Variants in NKAIN3 observed in about 807,000 individuals in gnomAD.
NKAIN3 encodes the protein sodium/potassium-transporting ATPase subunit beta-1-interacting protein 3.
A neutral mutation model predicts 30.2 loss-of-function variants in NKAIN3; 25 were observed. The observed-to-expected ratio is 0.83, with a 90% CI of 0.60 to 1.16. The LOEUF is 1.16. Ranked by LOEUF, NKAIN3 falls within the 50% of genes most tolerant of loss-of-function variation. The pLI is 0.00. For missense variants in NKAIN3, 225 were observed against 254.1 expected (o/e 0.89, Z 0.78); for synonymous variants, 91 against 89.6 (o/e 1.02, Z -0.09).
At chr8:62,591,788 A>G (rs1810662366) in intron 3 of NKAIN3, among the ~76,000 whole-genome samples, 1 of 152,028 alleles carries the variant, frequency 6.6e-6, no homozygotes, top group Admixed American at 6.6e-5. Context: ...GACTGGTAAC[A>G]TCTCCCTTGT....
At chr8:62,868,759 C>T (rs530145133) in intron 4 of NKAIN3, among the ~76,000 whole-genome samples, 1 of 152,270 alleles carries the variant, frequency 6.6e-6, no homozygotes, top group African/African-American at 2.4e-5. Context: ...TTTCTAAACA[C>T]TGGCATGAGT....
intron 1 of NKAIN3, among the ~76,000 whole-genome samples, chr8:62,341,039 A>G (rs16928724): frequency 0.039 from 5,962 of 152,124 alleles, 424 homozygotes; most frequent in African/African-American, 0.14. Flanking sequence ...TACATGCTTC[A>G]GTGTTATTAG....
At chr8:62,845,134 AT>A (rs1049103814) in intron 4 of NKAIN3, among the ~76,000 whole-genome samples, 1 of 151,330 alleles carries the variant, frequency 6.6e-6, no homozygotes, top group African/African-American at 2.4e-5. Flanking sequence ...CATGTGTTGG[AT>A]TTTTTTAGGG....
At chr8:62,868,954 A>G (rs993153480) in intron 4 of NKAIN3, among the ~76,000 whole-genome samples, 1 of 151,904 alleles carries the variant, frequency 6.6e-6, no homozygotes, top group Non-Finnish European at 1.5e-5. Context: ...AAAAAAAAGG[A>G]TTAGATCTTT....
Position 62,902,479 on chromosome 8 carries a change from A to G in NKAIN3, c.472-15974A>G, listed in dbSNP as rs186632075. 1.2e-4 allele frequency among the ~76,000 whole-genome samples: 18 copies of G among 152,242 alleles called. No individual in the cohort carries two copies. In the East Asian group the frequency reaches 2.7e-3, roughly 23 times the overall value. ...TCTGACTGCATTTAAATGATCAGGCATGGAGGAGGCAGAGCTCAGTGTAAC... is the reference window on the plus strand; with the variant it reads ...TCTGACTGCATTTAAATGATCAGGCGTGGAGGAGGCAGAGCTCAGTGTAAC... On this transcript the variant is annotated intron_variant, in intron 4 of 6. Coordinates refer to ENST00000623646, the MANE Select transcript of NKAIN3 (RefSeq NM_001304533.3).
At chr8:62,878,878 A>G (rs1429312052) in intron 4 of NKAIN3, among the ~76,000 whole-genome samples, 1 of 152,086 alleles carries the variant, frequency 6.6e-6, no homozygotes. Context: ...TCCATGGTGT[A>G]TATGTGCTAC....
intron 4 of NKAIN3, among the ~76,000 whole-genome samples, chr8:62,759,030 C>T (rs934799571): frequency 2.6e-5 from 4 of 152,170 alleles, no homozygotes; most frequent in Non-Finnish European, 5.9e-5. Flanking sequence ...TCAGTAAAGA[C>T]ATAGTTAATC....
chr8:62,361,978 T>G (rs545730157), intron 1 of NKAIN3, among the ~76,000 whole-genome samples: 11 of 152,310 alleles, frequency 7.2e-5, no homozygotes, highest in African/African-American at 2.6e-4. Context: ...GCCCTTCAAG[T>G]TGGGCCAAGT....
At chr8:62,546,267 C>T (rs1369775218) in intron 1 of NKAIN3, among the ~76,000 whole-genome samples, 1 of 152,166 alleles carries the variant, frequency 6.6e-6, no homozygotes, top group Non-Finnish European at 1.5e-5. Context: ...ACTACAATCT[C>T]ATTCATTTCC....
At chr8:62,532,353 C>T (rs898108558) in intron 1 of NKAIN3, among the ~76,000 whole-genome samples, 2 of 152,088 alleles carry the variant, frequency 1.3e-5, no homozygotes, top group Non-Finnish European at 2.9e-5. Context: ...CTGCCCAGTC[C>T]CCTAAAGCTT....
chr8:62,564,174 T>C (rs76485251), intron 1 of NKAIN3, among the ~76,000 whole-genome samples: 1 of 152,320 alleles, frequency 6.6e-6, no homozygotes, highest in East Asian at 1.9e-4. Flanking sequence ...ATTGACCTAC[T>C]TTGTTCTTCA....
chr8:62,518,499 T>G (rs1228891333), intron 1 of NKAIN3, among the ~76,000 whole-genome samples: 1 of 152,124 alleles, frequency 6.6e-6, no homozygotes, highest in Non-Finnish European at 1.5e-5. Flanking sequence ...CCTTGGGGTG[T>G]TGGAATATCA....
intron 1 of NKAIN3, among the ~76,000 whole-genome samples, chr8:62,335,362 G>C (rs942518657): frequency 6.6e-6 from 1 of 150,476 alleles, no homozygotes; most frequent in African/African-American, 2.4e-5. Flanking sequence ...GGAGGTGGAG[G>C]TTGCAGTGAG....
chr8:62,462,461 T>G (rs1241657262), intron 1 of NKAIN3, among the ~76,000 whole-genome samples: 3 of 152,212 alleles, frequency 2.0e-5, no homozygotes, highest in African/African-American at 7.2e-5. Flanking sequence ...CTGAACTTTT[T>G]ACATTAATTT....
Position 62,589,786 on chromosome 8 carries a change from C to T in NKAIN3, c.265C>T (p.Leu89Phe), listed in dbSNP as rs777747218. Residue 89 changes from leucine to phenylalanine, a missense_variant, in exon 3 of 7, where the codon CTC becomes TTC. Leu to Phe is a conservative substitution (Grantham distance 22, BLOSUM62 0). Coordinates refer to ENST00000623646, the MANE Select transcript of NKAIN3 (RefSeq NM_001304533.3). ...CTGCTTTTATTTGGAAGTAGGTGGA[C>T]TCTCAAAGGTGAGTTTATCATGCTT... Reference protein sequence around the residue: ...IICFYLEVGGLSKDTDLMTFN... With the variant: ...IICFYLEVGGFSKDTDLMTFN... The T allele has an allele frequency of 1.3e-5, 20 of 1,592,290 alleles. No homozygotes were observed. In the South Asian group the frequency reaches 2.2e-4, roughly 18 times the overall value.
rs1823853643 is a variant in NKAIN3, at chr8:62,972,381, C to A, written c.*6974C>A. Reference sequence around the variant, plus strand: ...TTATAAATATGTATATATTGGGGGGCAAAATATGACTTTTTATTTTTATTT... The same window carrying A: ...TTATAAATATGTATATATTGGGGGGAAAAATATGACTTTTTATTTTTATTT... On this transcript the variant is annotated 3_prime_UTR_variant, in exon 7 of 7. Coordinates refer to ENST00000623646, the MANE Select transcript of NKAIN3 (RefSeq NM_001304533.3). 6.6e-6 allele frequency among the ~76,000 whole-genome samples: 1 copy of A among 151,924 alleles called. No individual in the cohort carries two copies. The highest frequency in any genetic ancestry group is 1.5e-5 in the Non-Finnish European group (1 of 67,968).
intron 1 of NKAIN3, among the ~76,000 whole-genome samples, chr8:62,560,787 C>A (rs827696): frequency 0.22 from 34,144 of 151,816 alleles, 4,025 homozygotes; most frequent in East Asian, 0.37. Context: ...GTAATACACC[C>A]GTCTCGGCCT....
At chr8:62,694,687 A>G (rs2130451743) in intron 3 of NKAIN3, among the ~76,000 whole-genome samples, 1 of 152,256 alleles carries the variant, frequency 6.6e-6, no homozygotes, top group East Asian at 1.9e-4. Context: ...TCTTGAACTA[A>G]ACTACCTGGT....
chr8:62,549,419 A>T (rs1257703334), intron 1 of NKAIN3, among the ~76,000 whole-genome samples: 1 of 152,084 alleles, frequency 6.6e-6, no homozygotes. Flanking sequence ...ACTGTGTAAA[A>T]TTTAGCCTCA....
Sources: allele counts gnomAD v4.1 joint callset (sites outside exome capture counted in the v4.1 genomes callset), GRCh38; gene constraint gnomAD v4.1.1; transcripts MANE v1.5; gene names NCBI Gene and HGNC (gene_info 2026-07-23, HGNC 2026-07-21).